The following LDB3 variants were observed in gnomAD, a reference collection of about 807,000 sequenced individuals.
LDB3 encodes LIM domain-binding protein 3.
A neutral mutation model predicts 69.0 loss-of-function variants in LDB3; 49 were observed. That is an observed-to-expected ratio of 0.71 (90% CI 0.56 to 0.90). LDB3 has a LOEUF of 0.90. Among genes scored for constraint, LDB3 ranks in the 40% least tolerant of loss-of-function variants. The pLI is 0.00. For missense variants in LDB3, 928 were observed against 974.1 expected, an observed-to-expected ratio of 0.95 and a Z score of 0.63; for synonymous variants, 387 against 396.2, an observed-to-expected ratio of 0.98 and a Z score of 0.28.
chr10:86,723,770 G>A (rs118106033), intron 12 of LDB3, among the ~76,000 whole-genome samples: 3,150 of 152,302 alleles, frequency 0.021, 54 homozygotes, highest in Non-Finnish European at 0.027. Flanking sequence ...AGAGAAGATT[G>A]ATGGACTGGG....
rs1847570275 is a variant in LDB3, at chr10:86,734,713, C to T, written c.*1737C>T. On this transcript the variant is annotated 3_prime_UTR_variant, in exon 14 of 14. Coordinates refer to ENST00000361373, the MANE Select transcript of LDB3 (RefSeq NM_007078.3). Reference sequence around the variant, plus strand: ...TCCAAGCACGAAGCCACCAGTCTCCCCCAGGGAGCATCAGGAAGGGACATG... The same window carrying T: ...TCCAAGCACGAAGCCACCAGTCTCCTCCAGGGAGCATCAGGAAGGGACATG... 1.3e-5 allele frequency: 2 copies of T among 152,176 alleles called. No homozygotes were observed. Among genetic ancestry groups the T allele is most frequent in the South Asian group, 4.1e-4 (2 of 4,826 alleles). 9.4% of individuals were successfully genotyped at this position (152,176 alleles called of 1,614,324 possible).
intron 7 of LDB3, among the ~76,000 whole-genome samples, chr10:86,702,906 C>T (rs1296442897): frequency 6.6e-6 from 1 of 152,168 alleles, no homozygotes; most frequent in South Asian, 2.1e-4. Flanking sequence ...AAGCAGCAGG[C>T]TCCCTTACGT....
chr10:86,680,468 C>T (rs1248565014), intron 4 of LDB3, among the ~76,000 whole-genome samples: 1 of 152,220 alleles, frequency 6.6e-6, no homozygotes, highest in Admixed American at 6.5e-5. Flanking sequence ...AGGGGTCACC[C>T]TCCTGGCCAG....
chr10:86,678,304 T>TGA, intron 2 of LDB3, among the ~76,000 whole-genome samples: 1 of 150,242 alleles, frequency 6.7e-6, no homozygotes, highest in Non-Finnish European at 1.5e-5. Context: ...CCCAAAGTGC[T>TGA]GGGATTACAG....
chr10:86,716,633 C>A lies in LDB3; in HGVS notation c.1538C>A (p.Thr513Asn), dbSNP rs748433510. ...GKSTTSISKQ[T>N]LPRGGPAYTP... ...AGCACCACCTCCATCAGCAAGCAGA[C>A]CCTGCCCCGGGGAGGCCCAGCCTAC... The change falls in exon 10 of 14, where the codon ACC becomes AAC. Residue 513 changes from threonine to asparagine, a missense_variant. Coordinates refer to ENST00000361373, the MANE Select transcript of LDB3 (RefSeq NM_007078.3). The A allele has an allele frequency of 3.3e-5, 54 of 1,613,764 alleles. No homozygotes were observed. The highest frequency in any genetic ancestry group is 4.2e-5 in the Non-Finnish European group (49 of 1,179,966).
rs769713151 is a variant in LDB3, at chr10:86,726,158, C to T, written c.2000C>T (p.Thr667Ile). 4.3e-6 allele frequency: 7 copies of T among 1,613,922 alleles called. No homozygotes were observed. Among genetic ancestry groups the T allele is most frequent in the Non-Finnish European group, 5.9e-6 (7 of 1,179,988 alleles). ...TCAGACTACATCAATCTGTTCAGCA[C>T]CAAGTGCCATGGCTGCGATTTCCCC... ...CEKDYINLFS[T>I]KCHGCDFPVE... Residue 667 changes from threonine to isoleucine, a missense_variant, in exon 13 of 14, where the codon ACC becomes ATC. By Grantham distance (89) the Thr-to-Ile change is moderately conservative. Transcript: ENST00000361373.
intron 4 of LDB3, among the ~76,000 whole-genome samples, chr10:86,680,582 G>T (rs531398311): frequency 2.1e-3 from 321 of 152,268 alleles, no homozygotes; most frequent in Non-Finnish European, 3.7e-3. Context: ...GGTGTGGAGG[G>T]GCCTGCTGGC....
At chr10:86,726,694 A>G (rs1295200475) in intron 13 of LDB3, among the ~76,000 whole-genome samples, 3 of 152,300 alleles carry the variant, frequency 2.0e-5, no homozygotes, top group East Asian at 3.9e-4. Flanking sequence ...ATCCTATGAA[A>G]AGCTGAGATA....
rs1431153587 is a variant in LDB3, at chr10:86,718,753, A to G, written c.1884A>G (p.Thr628=). 1.2e-6 allele frequency: 2 copies of G among 1,614,042 alleles called. No individual in the cohort carries two copies. The highest frequency in any genetic ancestry group is 2.7e-5 in the African/African-American group (2 of 74,916). Reference sequence around the variant, plus strand: ...AAGTAATGCATGCCTTGAGACAGACATGGCACACCACCTGCTTCGTCTGTG... The same window carrying G: ...AAGTAATGCATGCCTTGAGACAGACGTGGCACACCACCTGCTTCGTCTGTG... ...MGEVMHALRQ[T]WHTTCFVCAA... is the part of the protein sequence containing the mutation. The change falls in exon 12 of 14, where the codon ACA becomes ACG. Residue 628 remains threonine (T), a synonymous_variant. Coordinates refer to ENST00000361373, the MANE Select transcript of LDB3 (RefSeq NM_007078.3).
chr10:86,674,465 G>A (rs879501944), intron 2 of LDB3, among the ~76,000 whole-genome samples: 49 of 152,166 alleles, frequency 3.2e-4, no homozygotes, highest in African/African-American at 7.5e-4. Flanking sequence ...CCAGCAAGGC[G>A]GAAGGGCTCC....
At chr10:86,704,426 T>C (rs925406325) in intron 7 of LDB3, among the ~76,000 whole-genome samples, 8 of 152,048 alleles carry the variant, frequency 5.3e-5, no homozygotes, top group Non-Finnish European at 1.0e-4. Flanking sequence ...TTTCTTTTTT[T>C]TTTTTTAAGA....
At chr10:86,669,703 G>T (rs781640865) in intron 2 of LDB3, among the ~76,000 whole-genome samples, 1 of 152,246 alleles carries the variant, frequency 6.6e-6, no homozygotes, top group Non-Finnish European at 1.5e-5. Context: ...GGCTCAGGGC[G>T]AACTGTGAGG....
At chr10:86,710,152 G>A (rs1589667556) in intron 9 of LDB3, 102 bp downstream of exon 9, 1 of 1,548,124 alleles carries the variant, frequency 6.5e-7, no homozygotes, top group East Asian at 2.4e-5. Flanking sequence ...CCAGAAGAAT[G>A]GGAAGCAAGG....
chr10:86,686,538 A>C (rs149059922), intron 5 of LDB3, among the ~76,000 whole-genome samples: 52 of 152,338 alleles, frequency 3.4e-4, no homozygotes, highest in Middle Eastern at 6.8e-3. Flanking sequence ...TTCTATGGCC[A>C]GGAGTGGTGG....
chr10:86,668,413 T>C (rs894807631), upstream of LDB3: 14 of 529,980 alleles, frequency 2.6e-5, no homozygotes, highest in Non-Finnish European at 4.2e-5. Flanking sequence ...GTGGACCGGC[T>C]GGGAGGCGGC....
chr10:86,687,028 T>G, intron 5 of LDB3: 1 of 1,598,890 alleles, frequency 6.3e-7, no homozygotes, highest in Non-Finnish European at 8.6e-7. Flanking sequence ...TGCCCTTTTC[T>G]CCTCCCTCTC....
chr10:86,710,317 T>C, intron 9 of LDB3: 2 of 947,854 alleles, frequency 2.1e-6, no homozygotes, highest in Non-Finnish European at 2.5e-6. Context: ...GGACCGGGCA[T>C]GGTGGCTCAC....
chr10:86,692,674 T>C (rs1845823439), intron 7 of LDB3, 103 bp downstream of exon 7: 4 of 1,089,788 alleles, frequency 3.7e-6, no homozygotes, highest in Admixed American at 3.4e-5. Flanking sequence ...CTCAAGTTCA[T>C]GGATTTGGAA....
chr10:86,674,745 C>A (rs947963492), intron 2 of LDB3, among the ~76,000 whole-genome samples: 1 of 152,160 alleles, frequency 6.6e-6, no homozygotes, highest in Non-Finnish European at 1.5e-5. Context: ...GCTTTGGGCC[C>A]TTTCTGAAAC....
Sources: gnomAD v4.1 joint callset for allele counts (sites outside exome capture counted in the v4.1 genomes callset) on GRCh38, gnomAD v4.1.1 for gene constraint, MANE v1.5 for transcripts, NCBI Gene and HGNC (gene_info 2026-07-23, HGNC 2026-07-21) for gene names.